Variants in HIP1 observed in about 807,000 individuals in gnomAD.
The protein encoded by HIP1 is huntingtin interacting protein 1.
HIP1 carries 65 observed loss-of-function variants against 147.6 expected under a neutral mutation model. The observed-to-expected ratio is 0.44, with a 90% CI of 0.36 to 0.54. The LOEUF is 0.54. HIP1 is among the 20% of genes least tolerant of loss of function. The probability of loss-of-function intolerance (pLI) is 0.00; values close to 1 mark genes in which losing one functional copy is unlikely to be tolerated. For synonymous variants in HIP1, 479 were observed against 504.0 expected, an observed-to-expected ratio of 0.95 and a Z score of 0.67; for missense variants, 1,061 against 1,299.6, an observed-to-expected ratio of 0.82 and a Z score of 2.82.
chr7:75,698,610 G>T (rs191586606), intron 1 of HIP1, among the ~76,000 whole-genome samples: 1 of 152,096 alleles, frequency 6.6e-6, no homozygotes, highest in Non-Finnish European at 1.5e-5. Context: ...TTGAGGCCAA[G>T]AGTTGGAGGC....
chr7:75,565,846 C>CCGAAGATAACCTCACGCCCACAAG (rs1563206893), intron 9 of HIP1, among the ~76,000 whole-genome samples: 1 of 151,466 alleles, frequency 6.6e-6, no homozygotes. Flanking sequence ...ATTCTCCTGC[C>CCGAAGATAACCTCACGCCCACAAG]TCAGCCTCCT....
intron 4 of HIP1, 94 bp from the exon 5 acceptor site, chr7:75,586,927 C>T (rs1188024531): frequency 7.6e-6 from 6 of 787,228 alleles, no homozygotes; most frequent in African/African-American, 1.7e-5. Context: ...AATCTATCTT[C>T]TTTGTTTTCT....
rs147755454 is a variant in HIP1, at chr7:75,564,573, C to T, written c.804-1310G>A. 1.8e-3 allele frequency among the ~76,000 whole-genome samples: 274 copies of T among 151,732 alleles called. 1 individual carries two copies. The highest frequency in any genetic ancestry group is 2.5e-3 in the Non-Finnish European group (170 of 67,934). ...CCTCCCAAAATGTTGGGGTTATAGG[C>T]GTGAGCCAATGTGCCCTGCCTATTT... On this transcript the variant is annotated intron_variant, in intron 9 of 30. Transcript: ENST00000336926.
intron 11 of HIP1, among the ~76,000 whole-genome samples, 199 bp downstream of exon 11, chr7:75,562,736 A>T (rs1483807132): frequency 2.6e-5 from 4 of 152,198 alleles, no homozygotes; most frequent in African/African-American, 9.6e-5. Context: ...TTGGGATTAC[A>T]GCTGTGAGCC....
At position 75,696,427 on chromosome 7, in the gene HIP1, T is replaced by C. The variant is rs182406303; in HGVS notation, c.120+42374A>G. ...GCATGCAGCTAATCTTGGGAAGGTGTGTAGCCATTCTGCTACTTTAGCTAA... is the reference window on the plus strand; with the variant it reads ...GCATGCAGCTAATCTTGGGAAGGTGCGTAGCCATTCTGCTACTTTAGCTAA... On this transcript the variant is annotated intron_variant, in intron 1 of 30. Transcript: ENST00000336926. Among the ~76,000 whole-genome samples the C allele has an allele frequency of 6.2e-3, 942 of 152,192 alleles. 15 individuals carry two copies. The highest frequency in any genetic ancestry group is 0.021 in the African/African-American group (876 of 41,540).
intron 8 of HIP1, among the ~76,000 whole-genome samples, chr7:75,571,316 GAAA>G (rs1394388286): frequency 6.6e-6 from 1 of 152,130 alleles, no homozygotes; most frequent in East Asian, 1.9e-4. Context: ...GGGAAACAAT[GAAA>G]AGTTCATCTG....
intron 1 of HIP1, among the ~76,000 whole-genome samples, chr7:75,691,635 C>T (rs1800456592): frequency 6.6e-6 from 1 of 151,840 alleles, no homozygotes; most frequent in Non-Finnish European, 1.5e-5. Context: ...CCCATCTCTA[C>T]TAAAAACACA....
intron 1 of HIP1, among the ~76,000 whole-genome samples, chr7:75,650,299 C>T (rs1554511783): frequency 1.3e-5 from 2 of 152,216 alleles, no homozygotes; most frequent in Non-Finnish European, 1.5e-5. Context: ...TGCCAGAGCT[C>T]TCTGCCCCTG....
At chr7:75,682,117 C>G (rs1800103707) in intron 1 of HIP1, among the ~76,000 whole-genome samples, 1 of 148,806 alleles carries the variant, frequency 6.7e-6, no homozygotes, top group South Asian at 2.1e-4. Flanking sequence ...CACCACCACA[C>G]CCAGCTAATT....
Position 75,663,936 on chromosome 7 carries a change from A to ATATATATATATACACATATATGTG in HIP1, c.121-64713_121-64690dup, listed in dbSNP as rs74197395. 1.1e-3 allele frequency among the ~76,000 whole-genome samples: 27 copies of ATATATATATATACACATATATGTG among 25,148 alleles called. 8 individuals carry two copies. Among genetic ancestry groups the ATATATATATATACACATATATGTG allele is most frequent in the African/African-American group, 2.6e-3 (9 of 3,428 alleles). 16.5% of individuals were successfully genotyped at this position (25,148 alleles called of 152,430 possible). A position where few individuals can be genotyped will look rare whatever the true frequency, so the allele number is the denominator to read the frequency against. ...CTTCCATTATTTTATGTATGTGTGT[A>ATATATATATATACACATATATGTG]TATATATATATACACATATATGTGT... On this transcript the variant is annotated intron_variant, in intron 1 of 30. Transcript: ENST00000336926.
intron 7 of HIP1, among the ~76,000 whole-genome samples, chr7:75,577,764 C>A (rs1554497982): frequency 6.6e-6 from 1 of 152,084 alleles, no homozygotes; most frequent in Non-Finnish European, 1.5e-5. Context: ...CCTTGGGAGG[C>A]CAAGGCAGGC....
intron 1 of HIP1, among the ~76,000 whole-genome samples, chr7:75,609,903 C>CTTTTTTTTTTTTTTTT (rs56106169): frequency 7.6e-6 from 1 of 131,004 alleles, no homozygotes; most frequent in Non-Finnish European, 1.6e-5. Flanking sequence ...CTCTTCTTTT[C>CTTTTTTTTTTTTTTTT]TTTTTTTTTT....
intron 1 of HIP1, among the ~76,000 whole-genome samples, chr7:75,712,815 T>TACTAATGCATTCAGTCACTCATCC (rs1280457152): frequency 2.6e-4 from 40 of 152,234 alleles, no homozygotes; most frequent in African/African-American, 9.6e-4. Context: ...CTCACTCATT[T>TACTAATGCATTCAGTCACTCATCC]ACTCATGCAT....
In HIP1 at chr7:75,568,166, T is replaced by C; in HGVS notation, c.803+33A>G. 1.3e-6 allele frequency: 2 copies of C among 1,499,826 alleles called. No homozygotes were observed. Among genetic ancestry groups the C allele is most frequent in the Non-Finnish European group, 1.9e-6 (2 of 1,075,872 alleles). The allele number at this position is 1,499,826 out of a possible 1,614,324, so 92.9% of individuals were successfully genotyped here. A position where few individuals can be genotyped will look rare whatever the true frequency, so the allele number is the denominator to read the frequency against. ...TTAATGATTTTATAGCGCTCTTGAA[T>C]TCACCTCCATTCCTGTTACTTGAAC... is the stretch of plus-strand genomic sequence containing the variant. On this transcript the variant is annotated intron_variant, in intron 9 of 30. Transcript: ENST00000336926. This position sits in a 1 kb window ranked among gnomAD's most constrained non-coding sequence, Gnocchi z 4.1.
intron 1 of HIP1, among the ~76,000 whole-genome samples, chr7:75,635,312 C>A (rs187870540): frequency 1.3e-5 from 2 of 152,106 alleles, no homozygotes; most frequent in Non-Finnish European, 2.9e-5. Context: ...GAGCTGTCAA[C>A]TGAAATACAG....
At position 75,628,625 on chromosome 7, in the gene HIP1, C is replaced by T. The variant is rs944908727; in HGVS notation, c.121-29378G>A. ...TTCCAAGTAGCTGGGATTACAGGCA[C>T]GTGCTGCCGCACCCGGCTAATTTTT... On this transcript the variant is annotated intron_variant, in intron 1 of 30. Transcript: ENST00000336926. Among the ~76,000 whole-genome samples, 7 of 152,162 alleles carry T rather than the reference C, an allele frequency of 4.6e-5. No homozygotes were observed. In the South Asian group the frequency reaches 6.2e-4, roughly 14 times the overall value.
chr7:75,566,931 G>A (rs587619990), intron 9 of HIP1, among the ~76,000 whole-genome samples: 1 of 151,266 alleles, frequency 6.6e-6, no homozygotes, highest in East Asian at 1.9e-4. Flanking sequence ...GGCCAACATG[G>A]TGAAATCCTG....
intron 5 of HIP1, among the ~76,000 whole-genome samples, chr7:75,585,401 C>T (rs916011994): frequency 2.0e-5 from 3 of 152,048 alleles, no homozygotes; most frequent in African/African-American, 4.8e-5. Flanking sequence ...GTCTTGAACT[C>T]CAGACCTCAG....
In HIP1 at chr7:75,618,521, A is replaced by C. The variant is rs369165018; in HGVS notation, c.121-19274T>G. On this transcript the variant is annotated intron_variant, in intron 1 of 30. Coordinates refer to ENST00000336926, the MANE Select transcript of HIP1 (RefSeq NM_005338.7). ...AGGCTGGTCTTGAACTCCTGACCCC[A>C]GGTGACCTGCCCTCCTCAGTCTCCC... Among the ~76,000 whole-genome samples the C allele has an allele frequency of 9.2e-5, 14 of 152,012 alleles. No individual in the cohort carries two copies. The East Asian group carries it at 9.7e-4, about 10-fold the overall frequency.
Sources: gnomAD v4.1 joint callset for allele counts (sites outside exome capture counted in the v4.1 genomes callset) on GRCh38, gnomAD v4.1.1 for gene constraint, Gnocchi (gnomAD v3.1) non-coding constraint, MANE v1.5 for transcripts, NCBI Gene and HGNC (gene_info 2026-07-23, HGNC 2026-07-21) for gene names.